The following ARRB1 variants were observed in gnomAD, a reference collection of about 807,000 sequenced individuals.
The protein encoded by ARRB1 is beta-arrestin-1.
Under a neutral mutation model 56.8 loss-of-function variants are expected in ARRB1, and 21 were observed. The ratio of observed to expected loss-of-function variants is 0.37; its 90% CI spans 0.26 to 0.53. The LOEUF is 0.53. Ranked by LOEUF, ARRB1 falls within the 20% of genes least tolerant of loss-of-function variation. The pLI, the probability that ARRB1 is intolerant of heterozygous loss-of-function variation, is 0.88. For missense variants in ARRB1, 424 were observed against 553.7 expected, an observed-to-expected ratio of 0.77 and a Z score of 2.35; for synonymous variants, 210 against 218.6, an observed-to-expected ratio of 0.96 and a Z score of 0.35.
chr11:75,317,674 GTGCACCGCAC>G (rs559113608), intron 1 of ARRB1, among the ~76,000 whole-genome samples: 76 of 152,326 alleles, frequency 5.0e-4, no homozygotes, highest in African/African-American at 1.6e-3. Context: ...CCCCAGGGGT[GTGCACCGCAC>G]TGGCACCCAG....
At chr11:75,332,095 C>A (rs950672913) in intron 1 of ARRB1, among the ~76,000 whole-genome samples, 1 of 75,894 alleles carries the variant, frequency 1.3e-5, no homozygotes, top group East Asian at 2.9e-4. Flanking sequence ...TTTCCACTAC[C>A]TACCCAAAAT....
intron 1 of ARRB1, among the ~76,000 whole-genome samples, chr11:75,309,725 T>G (rs1565132548): frequency 6.6e-6 from 1 of 152,102 alleles, no homozygotes; most frequent in South Asian, 2.1e-4. Context: ...GGCCTGATAT[T>G]AGGACAAGGC....
intron 9 of ARRB1, among the ~76,000 whole-genome samples, chr11:75,277,159 C>T (rs1454651363): frequency 1.3e-5 from 2 of 152,244 alleles, no homozygotes; most frequent in African/African-American, 4.8e-5. Flanking sequence ...GAAGAGGTGG[C>T]TTAAAGAGCA....
intron 1 of ARRB1, among the ~76,000 whole-genome samples, chr11:75,314,793 G>A (rs781137538): frequency 2.0e-4 from 30 of 152,032 alleles, no homozygotes; most frequent in African/African-American, 6.3e-4. Flanking sequence ...TTTTTGTAGC[G>A]ATGGGGTTTC....
intron 8 of ARRB1, among the ~76,000 whole-genome samples, chr11:75,277,885 C>T (rs1278573202): frequency 6.6e-6 from 1 of 152,334 alleles, no homozygotes; most frequent in East Asian, 1.9e-4. Context: ...GCAGTGTGAC[C>T]GTGGGTAGGT....
intron 1 of ARRB1, among the ~76,000 whole-genome samples, chr11:75,293,146 C>G (rs1376899264): frequency 6.6e-6 from 1 of 152,138 alleles, no homozygotes; most frequent in African/African-American, 2.4e-5. Context: ...TTGTCAGCAC[C>G]AGGACCACCT....
intron 1 of ARRB1, among the ~76,000 whole-genome samples, chr11:75,300,202 C>CAAAAAAAAA (rs10557397): frequency 3.4e-5 from 3 of 87,320 alleles, no homozygotes; most frequent in African/African-American, 7.9e-5. Context: ...GACTCTGTCT[C>CAAAAAAAAA]AAAAAAAAAA....
chr11:75,327,053 G>A (rs1947446348), intron 1 of ARRB1, among the ~76,000 whole-genome samples: 1 of 151,638 alleles, frequency 6.6e-6, no homozygotes, highest in African/African-American at 2.4e-5. Context: ...GGTGGCTCAC[G>A]CCTGTAATCC....
rs1946567474 is a variant in ARRB1 at position 75,290,008 on chromosome 11, C to A, written c.51+1G>T. On this transcript the variant is annotated splice_donor_variant, in intron 2 of 15. Transcript: ENST00000420843. LOFTEE classifies it high-confidence loss of function. ...GCTGGGCGCAGCTGTTACAGACTCA[C>A]CTTTCCATTTGGACTGGCCTTCTTG... 1 of 1,614,104 alleles carries A rather than the reference C, an allele frequency of 6.2e-7. No homozygotes were observed. Among genetic ancestry groups the A allele is most frequent in the Non-Finnish European group, 8.5e-7 (1 of 1,180,052 alleles).
At chr11:75,321,148 G>A (rs1445357377) in intron 1 of ARRB1, among the ~76,000 whole-genome samples, 2 of 152,150 alleles carry the variant, frequency 1.3e-5, no homozygotes, top group Non-Finnish European at 2.9e-5. Flanking sequence ...TTTCAGGAGA[G>A]GCACAAGGTA....
Position 75,261,206 on chromosome 11 carries a change from G to GTGTGTGTGTGTGTGTA in ARRB1, c.*4941_*4956dup, listed in dbSNP as rs1555149828. 27 of 152,142 alleles carry GTGTGTGTGTGTGTGTA rather than the reference G, an allele frequency of 1.8e-4. No individual in the cohort carries two copies. The highest frequency in any genetic ancestry group is 6.3e-4 in the African/African-American group (26 of 41,278). 9.4% of individuals were successfully genotyped at this position (152,142 alleles called of 1,614,324 possible). On this transcript the variant is annotated 3_prime_UTR_variant, in exon 16 of 16. Transcript: ENST00000420843. ...CGTGTGTGTGTGTGTGTGTGTGTGTGTGTGTGTGTGTGTGTATAAATGCTT... is the reference window on the plus strand; with the variant it reads ...CGTGTGTGTGTGTGTGTGTGTGTGTGTGTGTGTGTGTGTGTATGTGTGTGTGTGTGTATAAATGCTT...
At chr11:75,303,901 G>A (rs1001649418) in intron 1 of ARRB1, among the ~76,000 whole-genome samples, 2 of 152,208 alleles carry the variant, frequency 1.3e-5, no homozygotes, top group Non-Finnish European at 2.9e-5. Flanking sequence ...CAGAAACTGC[G>A]ACTTCAGTCA....
intron 1 of ARRB1, among the ~76,000 whole-genome samples, chr11:75,347,236 T>C (rs1947783739): frequency 6.6e-6 from 1 of 152,196 alleles, no homozygotes; most frequent in African/African-American, 2.4e-5. Context: ...TCAGAGACAG[T>C]GGGCCAGACT....
chr11:75,329,740 C>A (rs1014645924), intron 1 of ARRB1, among the ~76,000 whole-genome samples: 4 of 152,160 alleles, frequency 2.6e-5, no homozygotes, highest in African/African-American at 4.8e-5. Flanking sequence ...TGCCTGTAAT[C>A]CCAGTGCTTT....
intron 10 of ARRB1, among the ~76,000 whole-genome samples, chr11:75,275,678 C>T (rs959092315): frequency 2.4e-4 from 37 of 152,210 alleles, no homozygotes; most frequent in African/African-American, 8.7e-4. Flanking sequence ...GCCTTGGAGT[C>T]GGACGACCGT....
chr11:75,300,158 G>GCAC (rs1019897752), intron 1 of ARRB1, among the ~76,000 whole-genome samples: 21 of 140,438 alleles, frequency 1.5e-4, no homozygotes, highest in Middle Eastern at 4.1e-3. Flanking sequence ...AGCTGAGATT[G>GCAC]CACCACTGCA....
chr11:75,298,832 A>G (rs776733811), intron 1 of ARRB1, among the ~76,000 whole-genome samples: 14 of 150,992 alleles, frequency 9.3e-5, no homozygotes, highest in Non-Finnish European at 1.5e-4. Context: ...TATACATACA[A>G]TGGAATAGTA....
At chr11:75,266,320 G>A in intron 15 of ARRB1, 46 bp from the exon 16 acceptor site, 1 of 1,518,426 alleles carries the variant, frequency 6.6e-7, no homozygotes, top group Non-Finnish European at 9.1e-7. Context: ...CAGGGGCAGG[G>A]AGAGTAGGCT....
intron 1 of ARRB1, among the ~76,000 whole-genome samples, chr11:75,323,344 C>T (rs1005166213): frequency 3.9e-5 from 6 of 152,168 alleles, no homozygotes; most frequent in Admixed American, 2.6e-4. Context: ...AGGGGCCGGG[C>T]GTGGTGGCTC....
Sources: allele counts gnomAD v4.1 joint callset (sites outside exome capture counted in the v4.1 genomes callset), GRCh38; gene constraint gnomAD v4.1.1; transcripts MANE v1.5; gene names NCBI Gene and HGNC (gene_info 2026-07-23, HGNC 2026-07-21).